Variants in COL6A6 observed in about 807,000 individuals in gnomAD.
COL6A6 encodes the protein collagen alpha-6(VI) chain.
Under a neutral mutation model 208.6 loss-of-function variants are expected in COL6A6, and 183 were observed. That is an observed-to-expected ratio of 0.88 (90% CI 0.78 to 0.99). COL6A6 has a LOEUF of 0.99. Among genes scored for constraint, COL6A6 ranks in the 50% least tolerant of loss-of-function variants. The pLI is 0.00. For missense variants in COL6A6, 2,816 were observed against 2,815.2 expected, an observed-to-expected ratio of 1.00 and a Z score of -0.01; for synonymous variants, 973 against 1,011.8, an observed-to-expected ratio of 0.96 and a Z score of 0.73.
At chr3:130,563,715 T>G in intron 3 of COL6A6, 51 bp downstream of exon 3, 1 of 1,243,676 alleles carries the variant, frequency 8.0e-7, no homozygotes, top group Non-Finnish European at 1.1e-6. Flanking sequence ...TTTTGAAAAA[T>G]TAAAATGGGG....
intron 33 of COL6A6, among the ~76,000 whole-genome samples, chr3:130,651,919 T>C (rs1421465964): frequency 1.3e-5 from 2 of 152,212 alleles, no homozygotes; most frequent in African/African-American, 4.8e-5. Context: ...CACCTAGAAA[T>C]TGATGAATCT....
At position 130,599,751 on chromosome 3, in the gene COL6A6, T is replaced by C. The variant is rs756066049; in HGVS notation, c.4600-6T>C. On this transcript the variant is annotated splice_region_variant and splice_polypyrimidine_tract_variant and intron_variant, in intron 19 of 36. Coordinates refer to ENST00000358511, the MANE Select transcript of COL6A6 (RefSeq NM_001102608.3). ...ACCGTCACACATCTGTCTGTTCCTT[T>C]GACAGGGCAGAAGAGGCTGGCCAGG... 8 of 1,613,538 alleles carry C rather than the reference T, an allele frequency of 5.0e-6. No homozygotes were observed. The highest frequency in any genetic ancestry group is 1.1e-5 in the South Asian group (1 of 91,070).
In COL6A6 at chr3:130,670,480, G is replaced by T. The variant is rs528493459; in HGVS notation, c.6597-4722G>T. Among the ~76,000 whole-genome samples, 3 of 152,240 alleles carry T rather than the reference G, an allele frequency of 2.0e-5. No individual in the cohort carries two copies. The South Asian group carries it at 6.2e-4, about 32-fold the overall frequency. On this transcript the variant is annotated intron_variant, in intron 36 of 36. Coordinates refer to ENST00000358511, the MANE Select transcript of COL6A6 (RefSeq NM_001102608.3). The stretch of plus-strand genomic sequence containing the variant: ...AATGGGATAATAAAGCACGTGTTGG[G>T]GAGTCGGAACCTAGAGACTTGGTTC...
At chr3:130,575,472 T>G (rs1311392788) in intron 8 of COL6A6, among the ~76,000 whole-genome samples, 1 of 152,204 alleles carries the variant, frequency 6.6e-6, no homozygotes, top group Admixed American at 6.5e-5. Context: ...TTTCAGGAAA[T>G]AAAAGAACCT....
At chr3:130,552,823 C>T (rs1281194948) in intron 1 of COL6A6, among the ~76,000 whole-genome samples, 2 of 4,232 alleles carry the variant, frequency 4.7e-4, no homozygotes, top group Admixed American at 5.3e-3. Context: ...TTTTAAGGAC[C>T]GTCTCTCTTA....
chr3:130,634,745 G>A (rs1436657648), intron 27 of COL6A6, 120 bp downstream of exon 27: 2 of 685,718 alleles, frequency 2.9e-6, no homozygotes, highest in Admixed American at 6.7e-5. Flanking sequence ...TTTGTGCGGA[G>A]AAGGAGGGAA....
chr3:130,595,007 T>A (rs1244073912), intron 18 of COL6A6, among the ~76,000 whole-genome samples: 3 of 152,076 alleles, frequency 2.0e-5, no homozygotes, highest in Non-Finnish European at 4.4e-5. Context: ...CAATTCAAGA[T>A]GAGATATGGG....
intron 8 of COL6A6, among the ~76,000 whole-genome samples, chr3:130,580,091 G>GT (rs898335187): frequency 1.1e-4 from 16 of 152,142 alleles, no homozygotes; most frequent in African/African-American, 3.4e-4. Context: ...CTGCTGGTTG[G>GT]TTTTTTTCAC....
chr3:130,662,276 A>G lies in COL6A6; in HGVS notation c.6470A>G (p.Lys2157Arg), dbSNP rs2065957320. The G allele has an allele frequency of 6.2e-7, 1 of 1,613,816 alleles. No homozygotes were observed. Among genetic ancestry groups the G allele is most frequent in the South Asian group, 1.1e-5 (1 of 91,078 alleles). ...AAACCTGACCACAGTTATGGTGTGA[A>G]GTTTGTGAAGTCCTTTATAAACTCA... ...IHKPDHSYGV[K>R]FVKSFINSIR... The change falls in exon 35 of 37, where the codon AAG becomes AGG. Residue 2157 changes from lysine (K) to arginine (R), a missense_variant. Physicochemically the swap from Lys to Arg is conservative, Grantham distance 26. Coordinates refer to ENST00000358511, the MANE Select transcript of COL6A6 (RefSeq NM_001102608.3).
chr3:130,571,769 G>A (rs1230150504), intron 7 of COL6A6, among the ~76,000 whole-genome samples: 2 of 151,706 alleles, frequency 1.3e-5, no homozygotes, highest in South Asian at 2.1e-4. Context: ...CAACTTCCAG[G>A]ACTCAGGTGA....
At chr3:130,669,166 G>A (rs938707824) in intron 36 of COL6A6, among the ~76,000 whole-genome samples, 2 of 152,164 alleles carry the variant, frequency 1.3e-5, no homozygotes, top group African/African-American at 4.8e-5. Context: ...AGGCTGAGGT[G>A]GGTGAATCAC....
At chr3:130,648,259 A>G (rs1041069833) in intron 32 of COL6A6, among the ~76,000 whole-genome samples, 1 of 152,272 alleles carries the variant, frequency 6.6e-6, no homozygotes, top group Non-Finnish European at 1.5e-5. Context: ...ACAAAAATGT[A>G]TCTGTTAAAG....
At chr3:130,592,879 A>G (rs1307669979) in intron 15 of COL6A6, among the ~76,000 whole-genome samples, 157 bp downstream of exon 15, 1 of 152,044 alleles carries the variant, frequency 6.6e-6, no homozygotes, top group Non-Finnish European at 1.5e-5. Flanking sequence ...CTCTTTCATT[A>G]TAGGCAATAC....
chr3:130,594,987 G>A (rs1307787370), intron 18 of COL6A6, among the ~76,000 whole-genome samples: 5 of 152,132 alleles, frequency 3.3e-5, no homozygotes, highest in African/African-American at 9.7e-5. Flanking sequence ...GTTGATATGT[G>A]GGATTATTAC....
At chr3:130,675,132 C>A in intron 36 of COL6A6, 70 bp from the exon 37 acceptor site, 1 of 976,286 alleles carries the variant, frequency 1.0e-6, no homozygotes, top group Non-Finnish European at 1.4e-6. Context: ...TTTACTATGA[C>A]AGATTAATAT....
intron 31 of COL6A6, 144 bp downstream of exon 31, chr3:130,643,167 T>G: frequency 1.2e-6 from 1 of 820,428 alleles, no homozygotes; most frequent in Non-Finnish European, 2.0e-6. Flanking sequence ...CAGCATAGAC[T>G]GGTGACTTTT....
At chr3:130,534,084 G>A (rs530943288) in intron 1 of COL6A6, among the ~76,000 whole-genome samples, 23 of 152,192 alleles carry the variant, frequency 1.5e-4, no homozygotes, top group Middle Eastern at 3.4e-3. Context: ...TTAATTTTAC[G>A]TGAAATTGCC....
chr3:130,563,735 A>T, intron 3 of COL6A6, 71 bp downstream of exon 3: 1 of 1,017,142 alleles, frequency 9.8e-7, no homozygotes, highest in South Asian at 1.6e-5. Context: ...GAGAGGATTG[A>T]AATTCTATGA....
rs2063249241 is a variant in COL6A6 at position 130,574,502 on chromosome 3, T to G, written c.3524T>G (p.Ile1175Ser). 1.9e-6 allele frequency: 3 copies of G among 1,613,894 alleles called. No homozygotes were observed. ...GTCAATAAAAGGATCGTTCGCAACATCTGTACCACAGCGGGTGAAAGCAGT... is the reference window on the plus strand; with the variant it reads ...GTCAATAAAAGGATCGTTCGCAACAGCTGTACCACAGCGGGTGAAAGCAGT... Reference protein sequence around the residue: ...KKVNKRIVRNICTTAGESNCF... With the variant: ...KKVNKRIVRNSCTTAGESNCF... The change falls in exon 8 of 37, where the codon ATC becomes AGC. Residue 1175 changes from isoleucine to serine, a missense_variant. Transcript: ENST00000358511.
Sources: allele counts gnomAD v4.1 joint callset (sites outside exome capture counted in the v4.1 genomes callset), GRCh38; gene constraint gnomAD v4.1.1; transcripts MANE v1.5; gene names NCBI Gene and HGNC (gene_info 2026-07-23, HGNC 2026-07-21).